The following PLA2R1 variants were observed in gnomAD, a reference collection of about 807,000 sequenced individuals.
PLA2R1 encodes phospholipase A2 receptor 1.
Under a neutral mutation model 195.9 loss-of-function variants are expected in PLA2R1, and 158 were observed. That is an observed-to-expected ratio of 0.81 (90% confidence interval 0.71 to 0.92). PLA2R1 has a LOEUF of 0.92. Ranked by LOEUF, PLA2R1 falls within the 40% of genes least tolerant of loss-of-function variation. The pLI, the probability that PLA2R1 is intolerant of heterozygous loss-of-function variation, is 0.00. For missense variants in PLA2R1, 1,626 were observed against 1,764.6 expected, an observed-to-expected ratio of 0.92 and a Z score of 1.41; for synonymous variants, 586 against 598.2, an observed-to-expected ratio of 0.98 and a Z score of 0.30.
chr2:160,049,842 AAAC>A (rs1490470091), intron 1 of PLA2R1, among the ~76,000 whole-genome samples: 2 of 152,184 alleles, frequency 1.3e-5, no homozygotes, highest in African/African-American at 4.8e-5. Flanking sequence ...AACAAACAAA[AAAC>A]AACAAATAAA....
Position 159,937,270 on chromosome 2 carries a change from T to C in PLA2R1, c.*4508A>G, listed in dbSNP as rs1022222299. ...TACAGGCATCTTGCTTTACCTGATA[T>C]ACAAATGAAGGCTGGGAAAAGTAAA... On this transcript the variant is annotated 3_prime_UTR_variant, in exon 30 of 30. Transcript: ENST00000283243. 1 of 152,236 alleles carries C rather than the reference T, an allele frequency of 6.6e-6. No individual in the cohort carries two copies. The highest frequency in any genetic ancestry group is 2.4e-5 in the African/African-American group (1 of 41,460). 9.4% of individuals were successfully genotyped at this position (152,236 alleles called of 1,614,324 possible).
chr2:160,015,762 C>G (rs1692695157), intron 9 of PLA2R1, among the ~76,000 whole-genome samples: 1 of 152,176 alleles, frequency 6.6e-6, no homozygotes, highest in Non-Finnish European at 1.5e-5. Context: ...ATGAAGTTCA[C>G]ATGTTTACAC....
At position 160,022,868 on chromosome 2, in the gene PLA2R1, A is replaced by G. The variant is rs777243441; in HGVS notation, c.1100-9T>C. ...TTTCCACGCATCTTTTTCTTTTTAAACCAACAAAAAACAATGTCATTTTCC... is the reference window on the plus strand; with the variant it reads ...TTTCCACGCATCTTTTTCTTTTTAAGCCAACAAAAAACAATGTCATTTTCC... On this transcript the variant is annotated splice_polypyrimidine_tract_variant and intron_variant, in intron 6 of 29. Transcript: ENST00000283243. 3 of 1,559,914 alleles carry G rather than the reference A, an allele frequency of 1.9e-6. No individual in the cohort carries two copies. The highest frequency in any genetic ancestry group is 2.6e-6 in the Non-Finnish European group (3 of 1,147,790).
At chr2:160,025,031 C>T (rs1693410719) in intron 6 of PLA2R1, among the ~76,000 whole-genome samples, 1 of 152,194 alleles carries the variant, frequency 6.6e-6, no homozygotes, top group Non-Finnish European at 1.5e-5. Flanking sequence ...TGCCACTGTG[C>T]CATACTGGTT....
At chr2:159,993,308 C>T (rs1420808614) in intron 11 of PLA2R1, among the ~76,000 whole-genome samples, 2 of 151,878 alleles carry the variant, frequency 1.3e-5, no homozygotes, top group Non-Finnish European at 2.9e-5. Flanking sequence ...TTGCTTTTTA[C>T]TAAAAATAAC....
At chr2:159,978,494 G>A (rs778141292) in intron 14 of PLA2R1, among the ~76,000 whole-genome samples, 5 of 152,092 alleles carry the variant, frequency 3.3e-5, no homozygotes, top group Non-Finnish European at 7.4e-5. Context: ...TGAGAAGCTC[G>A]GCCACTGCTT....
At chr2:159,951,893 G>T (rs963070821) in intron 23 of PLA2R1, among the ~76,000 whole-genome samples, 1 of 152,110 alleles carries the variant, frequency 6.6e-6, no homozygotes, top group Non-Finnish European at 1.5e-5. Flanking sequence ...TTCTTAGGTG[G>T]GTTTCACTCC....
At chr2:160,039,428 A>G (rs34327722) in intron 3 of PLA2R1, among the ~76,000 whole-genome samples, 82,572 of 151,554 alleles carry the variant, frequency 0.54, 25,346 homozygotes, top group Non-Finnish European at 0.69. Flanking sequence ...GTATATTTGT[A>G]TATGTGTTTA....
chr2:160,031,592 T>C (rs1474963636), intron 4 of PLA2R1, among the ~76,000 whole-genome samples: 1 of 152,096 alleles, frequency 6.6e-6, no homozygotes, highest in Non-Finnish European at 1.5e-5. Context: ...AAGGGGAAAT[T>C]GAGGCACAGA....
intron 1 of PLA2R1, among the ~76,000 whole-genome samples, chr2:160,045,882 C>T (rs561425567): frequency 1.3e-5 from 2 of 152,240 alleles, no homozygotes; most frequent in African/African-American, 4.8e-5. Context: ...ATTACGGTGG[C>T]AGAAACCAGA....
At chr2:160,023,322 G>A (rs748307321) in intron 6 of PLA2R1, among the ~76,000 whole-genome samples, 29 of 152,282 alleles carry the variant, frequency 1.9e-4, no homozygotes, top group Non-Finnish European at 3.7e-4. Context: ...CTGCAGTAAA[G>A]AAGCTGGCCA....
chr2:160,038,541 C>A (rs986909406), intron 3 of PLA2R1, among the ~76,000 whole-genome samples: 1 of 152,092 alleles, frequency 6.6e-6, no homozygotes, highest in Admixed American at 6.5e-5. Context: ...ACATCATCCT[C>A]GCGCATAGAA....
At chr2:159,945,149 T>C (rs1687302977) in intron 27 of PLA2R1, 67 bp from the exon 28 acceptor site, 1 of 1,015,226 alleles carries the variant, frequency 9.9e-7, no homozygotes, top group East Asian at 3.2e-5. Context: ...AGACTGGAAT[T>C]AACCATAAAA....
intron 20 of PLA2R1, among the ~76,000 whole-genome samples, chr2:159,962,858 G>C (rs567289524): frequency 6.6e-6 from 1 of 152,118 alleles, no homozygotes; most frequent in Non-Finnish European, 1.5e-5. Context: ...ATAGGGAGGG[G>C]AACATCACAC....
chr2:159,945,180 ATTTTTTT>A (rs1271545172), intron 27 of PLA2R1, 98 bp from the exon 28 acceptor site: 1 of 581,818 alleles, frequency 1.7e-6, no homozygotes, highest in Admixed American at 4.4e-5. Context: ...GAATTTTTTT[ATTTTTTT>A]ATTTTTATTT....
chr2:160,050,159 G>T (rs995752595), intron 1 of PLA2R1, among the ~76,000 whole-genome samples: 4 of 152,174 alleles, frequency 2.6e-5, no homozygotes, highest in Admixed American at 1.3e-4. Context: ...AAAACCAAGT[G>T]ATAACAAATA....
intron 17 of PLA2R1, among the ~76,000 whole-genome samples, chr2:159,971,340 G>C (rs991642030): frequency 3.9e-5 from 6 of 152,004 alleles, no homozygotes; most frequent in Admixed American, 1.3e-4. Context: ...TAGAAGACTT[G>C]AACAACAACA....
At chr2:159,930,456 A>G (rs983635873), downstream of PLA2R1, among the ~76,000 whole-genome samples, 5 of 151,828 alleles carry the variant, frequency 3.3e-5, no homozygotes, top group African/African-American at 1.2e-4. Flanking sequence ...CACTGCTTGC[A>G]TGATGGGTGC....
intron 9 of PLA2R1, 135 bp downstream of exon 9, chr2:160,016,479 G>GGGC (rs796282213): frequency 1.2e-5 from 3 of 257,288 alleles, no homozygotes; most frequent in African/African-American, 7.2e-5. Context: ...GAAGGGGGGG[G>GGGC]TGCGAGGAGA....
Sources: gnomAD v4.1 joint callset for allele counts (sites outside exome capture counted in the v4.1 genomes callset) on GRCh38, gnomAD v4.1.1 for gene constraint, MANE v1.5 for transcripts, NCBI Gene and HGNC (gene_info 2026-07-23, HGNC 2026-07-21) for gene names.